The following UBASH3B variants were observed in gnomAD, a reference collection of about 807,000 sequenced individuals.
The protein encoded by UBASH3B is ubiquitin associated and SH3 domain containing B.
UBASH3B carries 37 observed loss-of-function variants against 83.4 expected under a neutral mutation model. That is an observed-to-expected ratio of 0.44 (90% CI 0.34 to 0.58). UBASH3B has a LOEUF of 0.58. Ranked by LOEUF, UBASH3B falls within the 20% of genes least tolerant of loss-of-function variation. The pLI is 0.01. For synonymous variants in UBASH3B, 304 were observed against 318.3 expected (o/e 0.96, Z 0.48); for missense variants, 657 against 827.2 (o/e 0.79, Z 2.52).
intron 1 of UBASH3B, among the ~76,000 whole-genome samples, chr11:122,750,953 G>A (rs1861189339): frequency 6.6e-6 from 1 of 152,182 alleles, no homozygotes. Flanking sequence ...CATTTTCCCT[G>A]AGAAAGGTGC....
intron 1 of UBASH3B, among the ~76,000 whole-genome samples, chr11:122,706,029 G>A (rs182731194): frequency 6.6e-6 from 1 of 152,108 alleles, no homozygotes; most frequent in East Asian, 1.9e-4. Context: ...CCATTCTGAA[G>A]GGGTCAAAAT....
intron 1 of UBASH3B, among the ~76,000 whole-genome samples, chr11:122,728,397 C>T (rs893578202): frequency 3.3e-5 from 5 of 152,016 alleles, no homozygotes; most frequent in Non-Finnish European, 5.9e-5. Context: ...TGAAGCAGGT[C>T]GGGGGATTGG....
intron 1 of UBASH3B, among the ~76,000 whole-genome samples, chr11:122,763,094 G>C (rs1374461939): frequency 1.3e-5 from 2 of 152,184 alleles, no homozygotes; most frequent in South Asian, 2.1e-4. Flanking sequence ...TCGCTAATGA[G>C]AGTTTTGTTC....
At chr11:122,775,897 G>A (rs748890459) in intron 1 of UBASH3B, 6 of 260,966 alleles carry the variant, frequency 2.3e-5, no homozygotes, top group Non-Finnish European at 3.6e-5. Context: ...GGGTGAAGAG[G>A]AAGGAGGAAA....
chr11:122,783,197 G>A lies in UBASH3B; in HGVS notation c.746G>A (p.Arg249Gln), dbSNP rs148173158. The A allele has an allele frequency of 6.8e-6, 11 of 1,613,962 alleles. No individual in the cohort carries two copies. Among genetic ancestry groups the A allele is most frequent in the East Asian group, 2.2e-5 (1 of 44,870 alleles). The change falls in exon 5 of 14, where the codon CGG becomes CAG. Residue 249 changes from arginine to glutamine, a missense_variant. Physicochemically the swap from Arg to Gln is conservative, Grantham distance 43. Around this residue, in one of 3 missense-constraint regions of UBASH3B, gnomAD observed 573 missense variants for 739.0 expected, o/e 0.78. Transcript: ENST00000284273. ...GCDWVATIFSRDIRFANHETL... is the reference protein window; with the variant it reads ...GCDWVATIFSQDIRFANHETL... ...GACTGGGTGGCTACCATATTTTCTCGGGATATCCGATTTGCTAACCATGAG... is the reference window on the plus strand; with the variant it reads ...GACTGGGTGGCTACCATATTTTCTCAGGATATCCGATTTGCTAACCATGAG...
chr11:122,678,961 A>G (rs1473312959), intron 1 of UBASH3B, among the ~76,000 whole-genome samples: 3 of 152,220 alleles, frequency 2.0e-5, no homozygotes, highest in African/African-American at 4.8e-5. Context: ...GCTGCTGGAT[A>G]TGCAGGAATA....
rs1861409414 is a variant in UBASH3B at position 122,809,888 on chromosome 11, C to T, written c.*2C>T. On this transcript the variant is annotated 3_prime_UTR_variant, in exon 14 of 14. Transcript: ENST00000284273. ...AGAGAGACCTTGCTTCAAGAATAAA[C>T]CACACCAGTGAACAAGAAGGAAAGG... 4.3e-6 allele frequency: 7 copies of T among 1,613,308 alleles called. No homozygotes were observed. The highest frequency in any genetic ancestry group is 1.1e-5 in the South Asian group (1 of 90,908).
At chr11:122,788,907 G>A (rs149349606) in intron 5 of UBASH3B, among the ~76,000 whole-genome samples, 193 bp from the exon 6 acceptor site, 10 of 152,282 alleles carry the variant, frequency 6.6e-5, no homozygotes, top group Admixed American at 1.3e-4. Context: ...GGCATACACC[G>A]TCAATACCCT....
intron 1 of UBASH3B, among the ~76,000 whole-genome samples, chr11:122,754,414 G>T (rs1337336047): frequency 3.9e-5 from 6 of 152,228 alleles, no homozygotes; most frequent in African/African-American, 1.4e-4. Context: ...ATCCCAACCT[G>T]TATTACATCT....
At chr11:122,797,520 T>C (rs1861177453) in intron 9 of UBASH3B, among the ~76,000 whole-genome samples, 1 of 152,212 alleles carries the variant, frequency 6.6e-6, no homozygotes, top group South Asian at 2.1e-4. Flanking sequence ...CTCACTTACT[T>C]TGTGCAAGGT....
chr11:122,800,531 G>A lies in UBASH3B; in HGVS notation c.1451-657G>A, dbSNP rs75413945. 8.3e-3 allele frequency among the ~76,000 whole-genome samples: 1,268 copies of A among 151,916 alleles called. 77 individuals carry two copies. In the East Asian group the frequency reaches 0.16, roughly 19 times the overall value. On this transcript the variant is annotated intron_variant, in intron 10 of 13. Transcript: ENST00000284273. Reference sequence around the variant, plus strand: ...ACTGTACCACTGCACTTCAGCCTAGGTGACAGAGCAAGACTCTGTATCAAA... The same window carrying A: ...ACTGTACCACTGCACTTCAGCCTAGATGACAGAGCAAGACTCTGTATCAAA...
intron 1 of UBASH3B, among the ~76,000 whole-genome samples, chr11:122,701,256 T>C (rs1864037151): frequency 6.6e-6 from 1 of 152,218 alleles, no homozygotes; most frequent in South Asian, 2.1e-4. Context: ...AAAAAGACAG[T>C]AGGCAATGTT....
chr11:122,781,665 A>C (rs961296282), intron 4 of UBASH3B, among the ~76,000 whole-genome samples: 7 of 152,244 alleles, frequency 4.6e-5, no homozygotes, highest in Admixed American at 2.6e-4. Flanking sequence ...ATTACCCAGC[A>C]TGGGAAGCCG....
At chr11:122,715,167 G>A (rs1415892552) in intron 1 of UBASH3B, among the ~76,000 whole-genome samples, 2 of 152,040 alleles carry the variant, frequency 1.3e-5, no homozygotes, top group Non-Finnish European at 2.9e-5. Flanking sequence ...GGATGGTCTC[G>A]ATCTCCTGAC....
chr11:122,790,942 C>T (rs575559420), intron 6 of UBASH3B, among the ~76,000 whole-genome samples: 2 of 149,762 alleles, frequency 1.3e-5, no homozygotes, highest in South Asian at 4.2e-4. Flanking sequence ...CAGAGCAAGA[C>T]TTTGTCTGAA....
Position 122,759,382 on chromosome 11 carries a change from G to A in UBASH3B, c.162-16837G>A, listed in dbSNP as rs553465285. 4.6e-5 allele frequency among the ~76,000 whole-genome samples: 7 copies of A among 152,326 alleles called. No individual in the cohort carries two copies. The highest frequency in any genetic ancestry group is 1.7e-4 in the African/African-American group (7 of 41,572). On this transcript the variant is annotated intron_variant, in intron 1 of 13. Transcript: ENST00000284273. This position sits in a 1 kb window ranked among gnomAD's most constrained non-coding sequence, Gnocchi z 4.1. ...CCAGGAACCGGTTTTGTGGAAGACA[G>A]TTTTTCCACTGACCCGGGTGGTGGT...
intron 1 of UBASH3B, among the ~76,000 whole-genome samples, chr11:122,718,531 T>A (rs1860564964): frequency 6.6e-6 from 1 of 152,150 alleles, no homozygotes. Context: ...AAATGGGATA[T>A]TTAGGGGGGA....
chr11:122,762,259 T>C (rs1020577307), intron 1 of UBASH3B, among the ~76,000 whole-genome samples: 2 of 152,200 alleles, frequency 1.3e-5, no homozygotes, highest in African/African-American at 2.4e-5. Flanking sequence ...GTTCACTGCA[T>C]ACAAATGAGA....
At chr11:122,742,647 C>T (rs1398677730) in intron 1 of UBASH3B, among the ~76,000 whole-genome samples, 2 of 152,226 alleles carry the variant, frequency 1.3e-5, no homozygotes, top group Non-Finnish European at 1.5e-5. Flanking sequence ...CCAGAACCCC[C>T]TTGGTCAGGA....
Sources: allele counts gnomAD v4.1 joint callset (sites outside exome capture counted in the v4.1 genomes callset), GRCh38; gene constraint gnomAD v4.1.1; regional missense constraint gnomAD v4.1.1; non-coding constraint Gnocchi (gnomAD v3.1); transcripts MANE v1.5; gene names NCBI Gene and HGNC (gene_info 2026-07-23, HGNC 2026-07-21).